Variants in KAZN observed in about 807,000 individuals in gnomAD.
The protein encoded by KAZN is kazrin, periplakin interacting protein, also known as kazrin.
A neutral mutation model predicts 87.4 loss-of-function variants in KAZN; 40 were observed. The ratio of observed to expected loss-of-function variants is 0.46; its 90% CI spans 0.36 to 0.60. KAZN has a LOEUF of 0.60. KAZN is among the 20% of genes least tolerant of loss of function. The pLI is 0.00. For synonymous variants in KAZN, 466 were observed against 458.3 expected (o/e 1.02, Z -0.22); for missense variants, 898 against 1,073.9 (o/e 0.84, Z 2.29).
intron 1 of KAZN, among the ~76,000 whole-genome samples, chr1:14,041,048 G>A (rs4662085): frequency 6.6e-6 from 1 of 151,458 alleles, no homozygotes; most frequent in Non-Finnish European, 1.5e-5. Context: ...TGCCCCATTC[G>A]CTTGGCAGCT....
Position 15,094,746 on chromosome 1 carries a change from C to A in KAZN, c.1429-69C>A, listed in dbSNP as rs909574350. The A allele has an allele frequency of 5.7e-5, 66 of 1,160,574 alleles. No individual in the cohort carries two copies. The African/African-American group carries it at 9.3e-4, about 16-fold the overall frequency. The allele number at this position is 1,160,574 out of a possible 1,614,324, so 71.9% of individuals were successfully genotyped here. Reference sequence around the variant, plus strand: ...GGGGAAGGAGCCCCATGTCAACAGACCCCCTCTAGGGCAGGAACCCCGCCG... The same window carrying A: ...GGGGAAGGAGCCCCATGTCAACAGAACCCCTCTAGGGCAGGAACCCCGCCG... On this transcript the variant is annotated intron_variant, in intron 9 of 14. Transcript: ENST00000376030. This position sits in a 1 kb window ranked among gnomAD's most constrained non-coding sequence, Gnocchi z 4.5.
At chr1:13,924,143 C>T (rs940087358) in intron 1 of KAZN, among the ~76,000 whole-genome samples, 2 of 152,232 alleles carry the variant, frequency 1.3e-5, no homozygotes, top group Middle Eastern at 3.4e-3. Flanking sequence ...CAAGCACTGG[C>T]TCAGTTATTC....
chr1:14,971,163 G>A (rs761138373), intron 2 of KAZN, among the ~76,000 whole-genome samples: 10 of 152,168 alleles, frequency 6.6e-5, no homozygotes, highest in Non-Finnish European at 1.5e-4. Context: ...ACTTTGAGAG[G>A]CCAAGGCGGG....
intron 1 of KAZN, among the ~76,000 whole-genome samples, chr1:13,906,637 T>G (rs1639447570): frequency 6.6e-6 from 1 of 152,174 alleles, no homozygotes; most frequent in South Asian, 2.1e-4. Context: ...TTTAATGTCT[T>G]CCATTCTGAC....
chr1:14,753,496 G>A (rs2100503379), intron 1 of KAZN, among the ~76,000 whole-genome samples: 1 of 152,118 alleles, frequency 6.6e-6, no homozygotes, highest in East Asian at 1.9e-4. Flanking sequence ...GGAGGCTGAG[G>A]CTTGCATATT....
intron 2 of KAZN, among the ~76,000 whole-genome samples, chr1:14,322,160 A>G (rs866225541): frequency 1.3e-5 from 2 of 152,136 alleles, no homozygotes; most frequent in Admixed American, 1.3e-4. Context: ...ACATGGTGAC[A>G]TGTGCCTGTA....
chr1:15,048,355 A>G (rs1673809680), intron 4 of KAZN, among the ~76,000 whole-genome samples: 1 of 152,244 alleles, frequency 6.6e-6, no homozygotes, highest in African/African-American at 2.4e-5. Flanking sequence ...TGATTGAACC[A>G]GGCATTACCA....
intron 2 of KAZN, among the ~76,000 whole-genome samples, chr1:14,284,315 A>G (rs564669235): frequency 3.3e-5 from 5 of 152,294 alleles, no homozygotes; most frequent in African/African-American, 1.2e-4. Context: ...TACAGAGGAA[A>G]ACGAAATGGA....
chr1:14,124,704 G>A (rs1644825322), intron 1 of KAZN, among the ~76,000 whole-genome samples: 2 of 102,604 alleles, frequency 1.9e-5, no homozygotes, highest in Non-Finnish European at 3.7e-5. Flanking sequence ...TCGAGTGCTG[G>A]CAATGTTGGT....
chr1:14,121,912 C>T (rs1312999917), intron 1 of KAZN, among the ~76,000 whole-genome samples: 12 of 152,100 alleles, frequency 7.9e-5, no homozygotes, highest in Non-Finnish European at 2.9e-5. Flanking sequence ...CAGTGCAAGG[C>T]CCAGAGGCAG....
chr1:14,312,762 T>C lies in KAZN; in HGVS notation c.249+132170T>C, dbSNP rs185941207. 1.7e-4 allele frequency among the ~76,000 whole-genome samples: 26 copies of C among 152,244 alleles called. No homozygotes were observed. The East Asian group carries it at 3.7e-3, about 21-fold the overall frequency. ...CTTGGTGGCACTCTCTCTGTTGCCTTCTTGGCTTGCATGCTGCCACATTGG... is the reference window on the plus strand; with the variant it reads ...CTTGGTGGCACTCTCTCTGTTGCCTCCTTGGCTTGCATGCTGCCACATTGG... On this transcript the variant is annotated intron_variant, in intron 2 of 16. Coordinates refer to the KAZN transcript ENST00000636203.
chr1:14,073,439 T>G (rs1391167561), intron 1 of KAZN, among the ~76,000 whole-genome samples: 1 of 152,200 alleles, frequency 6.6e-6, no homozygotes, highest in East Asian at 1.9e-4. Context: ...CTGGGATACA[T>G]GTGCAGAATG....
chr1:14,304,629 T>C (rs1156394785), intron 2 of KAZN: 1 of 398,368 alleles, frequency 2.5e-6, no homozygotes, highest in African/African-American at 2.1e-5. Context: ...TTCATTTCAA[T>C]GCATTTCCAA....
At chr1:14,055,898 T>G (rs1384015694) in intron 1 of KAZN, among the ~76,000 whole-genome samples, 1 of 152,216 alleles carries the variant, frequency 6.6e-6, no homozygotes, top group South Asian at 2.1e-4. Flanking sequence ...GGAAAAATGC[T>G]ACCGAGCCTT....
intron 1 of KAZN, among the ~76,000 whole-genome samples, chr1:13,915,694 C>A (rs924106934): frequency 2.6e-5 from 4 of 152,322 alleles, no homozygotes; most frequent in Admixed American, 2.6e-4. Context: ...TGAGAGAGGA[C>A]CCAGGTCATG....
chr1:15,090,336 C>T (rs1052686311), intron 8 of KAZN, among the ~76,000 whole-genome samples: 1 of 152,258 alleles, frequency 6.6e-6, no homozygotes, highest in Non-Finnish European at 1.5e-5. Flanking sequence ...GTGAAGCCAG[C>T]CAGGCTGGAG....
intron 13 of KAZN, among the ~76,000 whole-genome samples, chr1:15,109,994 T>C (rs1641459563): frequency 8.1e-6 from 1 of 123,964 alleles, no homozygotes; most frequent in Non-Finnish European, 1.9e-5. Flanking sequence ...TTTATGTGGG[T>C]ATATGTGTGT....
chr1:14,219,124 T>C (rs1647033747), intron 2 of KAZN, among the ~76,000 whole-genome samples: 1 of 152,020 alleles, frequency 6.6e-6, no homozygotes. Context: ...GAAACAAATG[T>C]GGAGAGACCA....
At chr1:14,653,002 T>C (rs1251184296) in intron 1 of KAZN, among the ~76,000 whole-genome samples, 2 of 152,022 alleles carry the variant, frequency 1.3e-5, no homozygotes, top group African/African-American at 4.8e-5. Flanking sequence ...CTGGAGAAAT[T>C]CTGCTGACTC....
Sources: gnomAD v4.1 joint callset for allele counts (sites outside exome capture counted in the v4.1 genomes callset) on GRCh38, gnomAD v4.1.1 for gene constraint, Gnocchi (gnomAD v3.1) non-coding constraint, MANE v1.5 for transcripts, NCBI Gene and HGNC (gene_info 2026-07-23, HGNC 2026-07-21) for gene names.